Variants in ADK observed in about 807,000 individuals in gnomAD.
The protein encoded by ADK is adenosine kinase.
ADK carries 24 observed loss-of-function variants against 44.7 expected under a neutral mutation model. The observed-to-expected ratio is 0.54, with a 90% CI of 0.39 to 0.76. The LOEUF (loss-of-function observed/expected upper bound fraction) is 0.76, where lower values mean the gene tolerates loss of function less well. ADK is among the 30% of genes least tolerant of loss of function. ADK has a pLI of 0.00. For synonymous variants in ADK, 128 were observed against 142.6 expected (o/e 0.90, Z 0.73); for missense variants, 321 against 425.1 (o/e 0.76, Z 2.15).
At chr10:74,702,072 T>C (rs1359651177) in intron 10 of ADK, among the ~76,000 whole-genome samples, 1 of 152,200 alleles carries the variant, frequency 6.6e-6, no homozygotes, top group Non-Finnish European at 1.5e-5. Flanking sequence ...GTGAAAATCA[T>C]TTCACAGCTG....
intron 7 of ADK, among the ~76,000 whole-genome samples, chr10:74,582,094 C>G (rs1282228090): frequency 6.6e-6 from 1 of 152,078 alleles, no homozygotes; most frequent in Non-Finnish European, 1.5e-5. Context: ...TTTATACCAA[C>G]CACGTATTAT....
At chr10:74,407,122 A>C (rs1371385188) in intron 6 of ADK, among the ~76,000 whole-genome samples, 1 of 151,224 alleles carries the variant, frequency 6.6e-6, no homozygotes, top group Non-Finnish European at 1.5e-5. Flanking sequence ...ATGCCTGGCT[A>C]GTTTTTGTAT....
At chr10:74,611,564 A>C (rs1467813533) in intron 9 of ADK, among the ~76,000 whole-genome samples, 1 of 150,588 alleles carries the variant, frequency 6.6e-6, no homozygotes, top group Non-Finnish European at 1.5e-5. Context: ...GATATATTAC[A>C]TAAGGCTGGG....
At chr10:74,418,969 A>G (rs1444851092) in intron 6 of ADK, among the ~76,000 whole-genome samples, 1 of 152,216 alleles carries the variant, frequency 6.6e-6, no homozygotes, top group African/African-American at 2.4e-5. Flanking sequence ...AAGCACAATC[A>G]TTTGTAATAA....
intron 2 of ADK, among the ~76,000 whole-genome samples, chr10:74,208,730 T>A (rs7070345): frequency 0.018 from 2,695 of 151,838 alleles, 83 homozygotes; most frequent in African/African-American, 0.062. Context: ...TTTTTTATTT[T>A]TTTATTTTTT....
chr10:74,670,843 T>TTC (rs397797029), intron 10 of ADK, among the ~76,000 whole-genome samples: 57 of 151,632 alleles, frequency 3.8e-4, no homozygotes, highest in Non-Finnish European at 1.5e-4. Context: ...ATAGAAGACT[T>TTC]GGCTTGATGA....
chr10:74,352,781 AAAG>A, intron 4 of ADK, among the ~76,000 whole-genome samples: 1 of 152,376 alleles, frequency 6.6e-6, no homozygotes, highest in Non-Finnish European at 1.5e-5. Flanking sequence ...ACACTTCTCA[AAAG>A]AAGACGTGCA....
chr10:74,274,732 G>GTGTGTATATATATATATATATATA (rs1554836801), intron 3 of ADK, among the ~76,000 whole-genome samples: 12 of 84,200 alleles, frequency 1.4e-4, no homozygotes, highest in Non-Finnish European at 2.0e-4. Flanking sequence ...TTTAATGTGT[G>GTGTGTATATATATATATATATATA]TATATATATA....
chr10:74,397,105 C>T (rs892519780), intron 5 of ADK, among the ~76,000 whole-genome samples: 1 of 151,898 alleles, frequency 6.6e-6, no homozygotes, highest in African/African-American at 2.4e-5. Flanking sequence ...CAAAATTTTC[C>T]TAAAGTCATA....
intron 4 of ADK, among the ~76,000 whole-genome samples, chr10:74,350,156 A>G (rs375069342): frequency 1.3e-5 from 2 of 152,186 alleles, no homozygotes; most frequent in Non-Finnish European, 1.5e-5. Flanking sequence ...AATCAACCAC[A>G]TAATTCAAAG....
chr10:74,669,161 G>A (rs1855080361), intron 9 of ADK, among the ~76,000 whole-genome samples: 1 of 152,102 alleles, frequency 6.6e-6, no homozygotes, highest in African/African-American at 2.4e-5. Context: ...TATCCATTAA[G>A]AGCAGGTAGC....
chr10:74,314,785 A>C (rs1211175760), intron 4 of ADK, 40 bp downstream of exon 4: 1 of 1,378,782 alleles, frequency 7.3e-7, no homozygotes, highest in South Asian at 1.2e-5. Flanking sequence ...ATTCAAAATG[A>C]TTCTAGACCC....
chr10:74,153,411 G>A (rs747055744), intron 1 of ADK, among the ~76,000 whole-genome samples: 1 of 152,200 alleles, frequency 6.6e-6, no homozygotes, highest in Non-Finnish European at 1.5e-5. Flanking sequence ...ACGGTGTTGA[G>A]GTTGAGAAAT....
chr10:74,432,982 T>A (rs1845051384), intron 6 of ADK, among the ~76,000 whole-genome samples: 1 of 152,222 alleles, frequency 6.6e-6, no homozygotes, highest in Admixed American at 6.5e-5. Context: ...TTTCCTTTCA[T>A]GAACTGGAAG....
At chr10:74,476,220 A>G (rs1182073997) in intron 6 of ADK, among the ~76,000 whole-genome samples, 1 of 152,132 alleles carries the variant, frequency 6.6e-6, no homozygotes, top group Non-Finnish European at 1.5e-5. Context: ...CTGGCTGGGT[A>G]CAGTGGCTCA....
rs58295310 is a variant in ADK at position 74,364,687 on chromosome 10, GGTGTGTGTGTGTGTGTGTGT to G, written c.274-29419_274-29400del. ...TCCTTTATCTTTAGGCAAAGGCTAT[GGTGTGTGTGTGTGTGTGTGT>G]GTGTGTGTGTGTGTGTGTGTGTGTG... is the stretch of plus-strand genomic sequence containing the variant. On this transcript the variant is annotated intron_variant, in intron 4 of 10. Coordinates refer to ENST00000539909, the MANE Select transcript of ADK (RefSeq NM_006721.4). Among the ~76,000 whole-genome samples the G allele has an allele frequency of 6.6e-4, 90 of 136,458 alleles. 1 individual carries two copies. The highest frequency in any genetic ancestry group is 3.1e-3 in the South Asian group (12 of 3,890). The allele number at this position is 136,458 out of a possible 152,430, so 89.5% of individuals were successfully genotyped here. A position where few individuals can be genotyped will look rare whatever the true frequency, so the allele number is the denominator to read the frequency against.
intron 4 of ADK, among the ~76,000 whole-genome samples, chr10:74,323,606 T>C (rs895668573): frequency 1.6e-4 from 25 of 151,540 alleles, no homozygotes; most frequent in Middle Eastern, 3.4e-3. Flanking sequence ...AGTCTCGCAC[T>C]GTCGTCCAGG....
intron 4 of ADK, among the ~76,000 whole-genome samples, chr10:74,341,970 C>T (rs1841597433): frequency 6.6e-6 from 1 of 151,904 alleles, no homozygotes; most frequent in Non-Finnish European, 1.5e-5. Flanking sequence ...TCCTTCTTCC[C>T]ATAAGGAAAT....
At chr10:74,653,990 A>G (rs1434540638) in intron 9 of ADK, among the ~76,000 whole-genome samples, 4 of 152,212 alleles carry the variant, frequency 2.6e-5, no homozygotes, top group Admixed American at 1.3e-4. Context: ...GATTTCTTCT[A>G]TGTCATAAAG....
Sources: gnomAD v4.1 joint callset for allele counts (sites outside exome capture counted in the v4.1 genomes callset) on GRCh38, gnomAD v4.1.1 for gene constraint, MANE v1.5 for transcripts, NCBI Gene and HGNC (gene_info 2026-07-23, HGNC 2026-07-21) for gene names.